SGPL1: variants seen among roughly 807,000 people sequenced by gnomAD.
SGPL1 encodes SP-lyase 1.
SGPL1 carries 37 observed loss-of-function variants against 68.9 expected under a neutral mutation model. That is an observed-to-expected ratio of 0.54 (90% confidence interval 0.41 to 0.71). SGPL1 has a LOEUF of 0.71. Ranked by LOEUF, SGPL1 falls within the 30% of genes least tolerant of loss-of-function variation. The probability of loss-of-function intolerance (pLI) is 0.00; values close to 1 mark genes in which losing one functional copy is unlikely to be tolerated. For synonymous variants in SGPL1, 236 were observed against 248.5 expected (o/e 0.95, Z 0.47); for missense variants, 551 against 704.6 (o/e 0.78, Z 2.47).
intron 6 of SGPL1, among the ~76,000 whole-genome samples, chr10:70,858,697 T>C (rs899149547): frequency 2.0e-5 from 3 of 152,250 alleles, no homozygotes; most frequent in African/African-American, 7.2e-5. Flanking sequence ...CTCCCACTTA[T>C]TTTTTCTTAA....
intron 13 of SGPL1, among the ~76,000 whole-genome samples, chr10:70,875,894 T>C (rs827246): frequency 0.99 from 150,241 of 152,282 alleles, 74,150 homozygotes; most frequent in Middle Eastern, 1. Context: ...TAGTTCAAGA[T>C]CTTCCTGGGG....
chr10:70,857,191 C>A (rs1403334978), intron 5 of SGPL1: 4 of 191,632 alleles, frequency 2.1e-5, no homozygotes, highest in Admixed American at 1.1e-4. Flanking sequence ...GCCAACTCTG[C>A]TCATAATAGT....
At chr10:70,823,475 G>C (rs1301534054) in intron 2 of SGPL1, among the ~76,000 whole-genome samples, 1 of 148,974 alleles carries the variant, frequency 6.7e-6, no homozygotes, top group African/African-American at 2.5e-5. Flanking sequence ...TTGTTGAAAA[G>C]GTTTTGCATT....
chr10:70,864,233 C>G (rs763807792), intron 7 of SGPL1, among the ~76,000 whole-genome samples: 2 of 152,122 alleles, frequency 1.3e-5, no homozygotes, highest in Non-Finnish European at 2.9e-5. Context: ...CTTCTCTGCC[C>G]CACATTTTTC....
intron 2 of SGPL1, among the ~76,000 whole-genome samples, chr10:70,830,306 A>C (rs1845511320): frequency 6.6e-6 from 1 of 152,214 alleles, no homozygotes; most frequent in African/African-American, 2.4e-5. Context: ...CCCAGTACTC[A>C]GCAGTCACTT....
chr10:70,846,388 TA>T (rs11299555), intron 3 of SGPL1, among the ~76,000 whole-genome samples: 149,526 of 151,748 alleles, frequency 0.99, 73,706 homozygotes, highest in South Asian at 1. Context: ...AACTTTTCAT[TA>T]AAAAAAAAAT....
intron 3 of SGPL1, among the ~76,000 whole-genome samples, chr10:70,846,380 C>A (rs968143059): frequency 2.8e-4 from 3 of 10,658 alleles, no homozygotes; most frequent in Non-Finnish European, 7.9e-4. Flanking sequence ...TATTTTTTAA[C>A]TTTTCATTAA....
At chr10:70,870,066 A>G in intron 9 of SGPL1, 169 bp downstream of exon 9, 1 of 537,020 alleles carries the variant, frequency 1.9e-6, no homozygotes, top group Non-Finnish European at 3.3e-6. Context: ...CAGTCTTTTC[A>G]TAGGTTCATG....
intron 2 of SGPL1, among the ~76,000 whole-genome samples, chr10:70,822,222 T>C (rs1845351108): frequency 6.6e-6 from 1 of 152,128 alleles, no homozygotes. Flanking sequence ...GATAGGACAT[T>C]AAAAAATTTG....
chr10:70,831,264 C>T (rs986395588), intron 2 of SGPL1, among the ~76,000 whole-genome samples: 2 of 152,266 alleles, frequency 1.3e-5, no homozygotes, highest in African/African-American at 2.4e-5. Context: ...CGTGACCAAA[C>T]GTGTGGGATT....
At chr10:70,825,833 T>C (rs1172773299) in intron 2 of SGPL1, among the ~76,000 whole-genome samples, 1 of 152,196 alleles carries the variant, frequency 6.6e-6, no homozygotes, top group Non-Finnish European at 1.5e-5. Context: ...TGAGTGTATA[T>C]AACAGAAAAA....
rs374154203 is a variant in SGPL1 at position 70,873,533 on chromosome 10, C to A, written c.1242C>A (p.Asn414Lys). The A allele has an allele frequency of 6.2e-7, 1 of 1,614,220 alleles. No individual in the cohort carries two copies. The highest frequency in any genetic ancestry group is 2.2e-5 in the East Asian group (1 of 44,886). The change falls in exon 12 of 15, where the codon AAC becomes AAA. Residue 414 changes from asparagine to lysine, a missense_variant. Coordinates refer to ENST00000373202, the MANE Select transcript of SGPL1 (RefSeq NM_003901.4). The stretch of plus-strand genomic sequence containing the variant: ...CTGCCTTGATGCACTTCGGTGAGAA[C>A]GGCTATGTTGAAGCTACCAAACAGA... Reference protein sequence around the residue: ...CWAALMHFGENGYVEATKQII... With the variant: ...CWAALMHFGEKGYVEATKQII...
chr10:70,825,711 G>C (rs569264704), intron 2 of SGPL1, among the ~76,000 whole-genome samples: 87 of 152,254 alleles, frequency 5.7e-4, no homozygotes, highest in Non-Finnish European at 1.0e-3. Context: ...GCCCTGTCAG[G>C]AGTGAGTGCT....
chr10:70,869,877 A>G lies in SGPL1; in HGVS notation c.790A>G (p.Met264Val), dbSNP rs141665233. The G allele has an allele frequency of 5.6e-6, 9 of 1,614,010 alleles. No homozygotes were observed. In the African/African-American group the frequency reaches 8.0e-5, roughly 14 times the overall value. The change falls in exon 9 of 15, where the codon ATG becomes GTG. Residue 264 changes from methionine to valine, a missense_variant. By Grantham distance (21) the Met-to-Val change is conservative. Coordinates refer to ENST00000373202, the MANE Select transcript of SGPL1 (RefSeq NM_003901.4). ...GATTGTGCGGGTCCCATTGACGAAG[A>G]TGATGGAGGTGGATGTGCGGGTGAG... Reference protein sequence around the residue: ...MKIVRVPLTKMMEVDVRAMRR... With the variant: ...MKIVRVPLTKVMEVDVRAMRR...
At chr10:70,849,660 G>A (rs545562927) in intron 3 of SGPL1, among the ~76,000 whole-genome samples, 412 of 152,342 alleles carry the variant, frequency 2.7e-3, no homozygotes, top group African/African-American at 9.5e-3. Flanking sequence ...GATACAAAAA[G>A]GGGGTGCAGA....
At chr10:70,837,269 G>C (rs1403874753) in intron 2 of SGPL1, among the ~76,000 whole-genome samples, 1 of 151,614 alleles carries the variant, frequency 6.6e-6, no homozygotes. Context: ...GTAGAGACAG[G>C]GTTTCCCCAT....
chr10:70,844,616 T>TTCCAGCCAGA lies in SGPL1; in HGVS notation c.171_172insTCCAGCCAGA (p.Glu58SerfsTer17). On this transcript the variant is annotated frameshift_variant, in exon 3 of 15. Transcript: ENST00000373202. LOFTEE classifies it high-confidence loss of function. ...GGACCCTGCTGATAGTCTGGGGATA[T>TTCCAGCCAGA]GAGTTTGTCTTCCAGCCAGAGAGTA... 6.2e-7 allele frequency: 1 copy of TTCCAGCCAGA among 1,614,076 alleles called. No individual in the cohort carries two copies. The highest frequency in any genetic ancestry group is 8.5e-7 in the Non-Finnish European group (1 of 1,179,992).
Position 70,816,801 on chromosome 10 carries a change from C to T in SGPL1, c.-43-10C>T. On this transcript the variant is annotated splice_polypyrimidine_tract_variant and intron_variant, in intron 1 of 14. Transcript: ENST00000373202. Reference sequence around the variant, plus strand: ...CTCTAGAAGTAAACAAACCTGGTTCCCTTTTACAGAGTCTGAAAAAGGGGA... The same window carrying T: ...CTCTAGAAGTAAACAAACCTGGTTCTCTTTTACAGAGTCTGAAAAAGGGGA... 6.3e-7 allele frequency: 1 copy of T among 1,591,302 alleles called. No individual in the cohort carries two copies. Among genetic ancestry groups the T allele is most frequent in the Non-Finnish European group, 8.6e-7 (1 of 1,159,444 alleles).
chr10:70,846,675 C>A lies in SGPL1; in HGVS notation c.193+2037C>A, dbSNP rs185479855. Among the ~76,000 whole-genome samples the A allele has an allele frequency of 5.3e-5, 8 of 152,222 alleles. No homozygotes were observed. The East Asian group carries it at 1.5e-3, about 29-fold the overall frequency. The stretch of plus-strand genomic sequence containing the variant: ...AATGTACTACAATTCAAAGGTGGTA[C>A]ATTTATGAAATAAGGCTAAGCTTAG... On this transcript the variant is annotated intron_variant, in intron 3 of 14. Transcript: ENST00000373202.
Sources: allele counts gnomAD v4.1 joint callset (sites outside exome capture counted in the v4.1 genomes callset), GRCh38; gene constraint gnomAD v4.1.1; transcripts MANE v1.5; gene names NCBI Gene and HGNC (gene_info 2026-07-23, HGNC 2026-07-21).